ADAMTSL1: variants seen among roughly 807,000 people sequenced by gnomAD.
ADAMTSL1 encodes the protein ADAMTS-like protein 1.
In ADAMTSL1, 126 loss-of-function variants were observed where a neutral mutation model predicts 201.8. That is an observed-to-expected ratio of 0.62 (90% CI 0.54 to 0.72). The LOEUF (loss-of-function observed/expected upper bound fraction) is 0.72. Ranked by LOEUF, ADAMTSL1 falls within the 30% of genes least tolerant of loss-of-function variation. The pLI is 0.00. For synonymous variants in ADAMTSL1, 1,121 were observed against 903.4 expected (o/e 1.24, Z -4.32); for missense variants, 2,679 against 2,277.8 (o/e 1.18, Z -3.59).
At chr9:18,637,423 G>C (rs1006556145) in intron 6 of ADAMTSL1, among the ~76,000 whole-genome samples, 1 of 152,118 alleles carries the variant, frequency 6.6e-6, no homozygotes, top group Non-Finnish European at 1.5e-5. Context: ...CCAAGTGGGG[G>C]ACTGACTCTT....
rs538666491 is a variant in ADAMTSL1 at position 18,703,322 on chromosome 9, T to A, written c.1575-3425T>A. Among the ~76,000 whole-genome samples, 221 of 152,236 alleles carry A rather than the reference T, an allele frequency of 1.5e-3. No homozygotes were observed. The Middle Eastern group carries it at 0.017, about 12-fold the overall frequency. On this transcript the variant is annotated intron_variant, in intron 13 of 28. Transcript: ENST00000380548. ...AAACTCAAGATAGTAAATACAGAGC[T>A]GGGAGATCTAGGGACTTGGGGAAAA...
At chr9:18,148,431 A>T (rs1218236681) in intron 1 of ADAMTSL1, among the ~76,000 whole-genome samples, 1 of 152,012 alleles carries the variant, frequency 6.6e-6, no homozygotes, top group African/African-American at 2.4e-5. Context: ...AAGATCAGAT[A>T]CTAAAGTCAA....
chr9:18,576,441 T>C (rs186156182), intron 4 of ADAMTSL1, among the ~76,000 whole-genome samples: 298 of 152,312 alleles, frequency 2.0e-3, no homozygotes, highest in African/African-American at 3.7e-3. Context: ...ACAGCATAGC[T>C]ATAGAAATTT....
At chr9:18,305,419 C>T (rs1320372891) in intron 2 of ADAMTSL1, among the ~76,000 whole-genome samples, 1 of 152,222 alleles carries the variant, frequency 6.6e-6, no homozygotes, top group Non-Finnish European at 1.5e-5. Context: ...CTCAGGGGAT[C>T]CGACCCCCAC....
intron 4 of ADAMTSL1, among the ~76,000 whole-genome samples, chr9:18,582,683 C>G (rs1352412535): frequency 1.3e-5 from 2 of 151,564 alleles, no homozygotes; most frequent in Non-Finnish European, 2.9e-5. Context: ...CCCATCTCTA[C>G]TTAAAAATAC....
chr9:17,908,743 C>A (rs931695125), intron 1 of ADAMTSL1, among the ~76,000 whole-genome samples: 2 of 152,236 alleles, frequency 1.3e-5, no homozygotes, highest in African/African-American at 4.8e-5. Context: ...CAGGCGTGAG[C>A]CACTGCTCCC....
At chr9:18,866,365 T>A (rs1439334422) in intron 23 of ADAMTSL1, among the ~76,000 whole-genome samples, 1 of 152,190 alleles carries the variant, frequency 6.6e-6, no homozygotes, top group African/African-American at 2.4e-5. Context: ...TACAGGGGCC[T>A]GTACTACATG....
chr9:18,122,598 A>G (rs903534789), intron 1 of ADAMTSL1, among the ~76,000 whole-genome samples: 1 of 152,192 alleles, frequency 6.6e-6, no homozygotes. Flanking sequence ...TTTTTGAAGA[A>G]CATTGGAAAA....
At chr9:18,454,209 AG>A (rs1457237843) in intron 2 of ADAMTSL1, among the ~76,000 whole-genome samples, 1 of 152,226 alleles carries the variant, frequency 6.6e-6, no homozygotes, top group East Asian at 1.9e-4. Context: ...CTGAGAATCC[AG>A]GGGGCTGATG....
At chr9:18,302,440 C>T (rs1025214996) in intron 2 of ADAMTSL1, among the ~76,000 whole-genome samples, 2 of 152,238 alleles carry the variant, frequency 1.3e-5, no homozygotes, top group East Asian at 1.9e-4. Context: ...CTTAGCCCTT[C>T]GTTATAGGAG....
intron 4 of ADAMTSL1, among the ~76,000 whole-genome samples, chr9:18,621,550 C>T (rs542005136): frequency 7.3e-6 from 1 of 137,906 alleles, no homozygotes; most frequent in African/African-American, 2.7e-5. Context: ...ATGCAACCGT[C>T]CTCTTCCACA....
intron 2 of ADAMTSL1, among the ~76,000 whole-genome samples, chr9:18,511,478 T>C (rs1280738848): frequency 6.6e-6 from 1 of 152,060 alleles, no homozygotes; most frequent in Non-Finnish European, 1.5e-5. Context: ...AATACGATTA[T>C]TAGATGAGCA....
At chr9:18,413,558 A>T (rs1449431266) in intron 2 of ADAMTSL1, among the ~76,000 whole-genome samples, 1 of 152,234 alleles carries the variant, frequency 6.6e-6, no homozygotes, top group East Asian at 1.9e-4. Flanking sequence ...CTTCAACAAA[A>T]AAATAATTTT....
intron 2 of ADAMTSL1, among the ~76,000 whole-genome samples, chr9:18,308,713 A>G (rs1214135649): frequency 6.6e-6 from 1 of 152,158 alleles, no homozygotes; most frequent in Admixed American, 6.5e-5. Context: ...CAACCAAAAA[A>G]AGTCGAGGGC....
chr9:18,506,096 G>T (rs1362597888), intron 2 of ADAMTSL1, among the ~76,000 whole-genome samples: 1 of 152,208 alleles, frequency 6.6e-6, no homozygotes, highest in Admixed American at 6.5e-5. Context: ...TGGCATTGAG[G>T]TGTGCACTAA....
At chr9:18,061,952 G>A (rs7869967) in intron 1 of ADAMTSL1, among the ~76,000 whole-genome samples, 74,399 of 151,766 alleles carry the variant, frequency 0.49, 18,600 homozygotes, top group South Asian at 0.62. Context: ...AAGACCACAT[G>A]GTGTTTGTTT....
Position 18,908,524 on chromosome 9 carries a change from C to T in ADAMTSL1, c.5265C>T (p.Cys1755=). The change falls in exon 29 of 29, where the codon TGC becomes TGT. Residue 1755 remains cysteine, a synonymous_variant. Transcript: ENST00000380548. The part of the protein sequence containing the change: ...LCQLSQFKSR[C]CGTCGKA ...AACTCAGCCAGTTTAAATCTCGCTGCTGTGGAACTTGTGGCAAAGCGTGAA... is the reference window on the plus strand; with the variant it reads ...AACTCAGCCAGTTTAAATCTCGCTGTTGTGGAACTTGTGGCAAAGCGTGAA... 6.4e-7 allele frequency: 1 copy of T among 1,562,698 alleles called. No individual in the cohort carries two copies.
chr9:18,506,637 T>G (rs1817681231), intron 2 of ADAMTSL1, among the ~76,000 whole-genome samples: 1 of 152,160 alleles, frequency 6.6e-6, no homozygotes, highest in Non-Finnish European at 1.5e-5. Context: ...AAGGTCTAGG[T>G]GTTAGGGCTC....
At chr9:18,255,420 C>G (rs1831646871) in intron 2 of ADAMTSL1, among the ~76,000 whole-genome samples, 1 of 152,028 alleles carries the variant, frequency 6.6e-6, no homozygotes, top group Non-Finnish European at 1.5e-5. Flanking sequence ...TTTCACATGT[C>G]AGTACTTAAT....
Sources: allele counts gnomAD v4.1 joint callset (sites outside exome capture counted in the v4.1 genomes callset), GRCh38; gene constraint gnomAD v4.1.1; transcripts MANE v1.5; gene names NCBI Gene and HGNC (gene_info 2026-07-23, HGNC 2026-07-21).